The following TENT5C variants were observed in gnomAD, a reference collection of about 807,000 sequenced individuals.
TENT5C encodes terminal nucleotidyltransferase 5C, also known as family with sequence similarity 46 member C.
In TENT5C, 5 loss-of-function variants were observed where a neutral mutation model predicts 22.2. The observed-to-expected ratio is 0.22, with a 90% confidence interval of 0.12 to 0.47. The LOEUF (loss-of-function observed/expected upper bound fraction) is 0.47. Ranked by LOEUF, TENT5C falls within the 20% of genes least tolerant of loss-of-function variation. The probability of loss-of-function intolerance (pLI) is 0.99; values close to 1 mark genes in which losing one functional copy is unlikely to be tolerated. For missense variants in TENT5C, 364 were observed against 500.9 expected (o/e 0.73, Z 2.61); for synonymous variants, 199 against 195.4 (o/e 1.02, Z -0.15).
At position 117,625,105 on chromosome 1, in the gene TENT5C, GTT is replaced by G. The variant is rs555152244; in HGVS notation, c.*1072_*1073del. The G allele has an allele frequency of 2.7e-5, 6 of 220,918 alleles. No individual in the cohort carries two copies. Among genetic ancestry groups the G allele is most frequent in the African/African-American group, 9.3e-5 (4 of 42,972 alleles). The allele number at this position is 220,918 out of a possible 1,614,324, so 13.7% of individuals were successfully genotyped here. On this transcript the variant is annotated 3_prime_UTR_variant, in exon 2 of 2. Transcript: ENST00000369448. ...GCTATTTTTTGTTTTTGTTCTTTTC[GTT>G]TTTTTTTTTTCCAAAAATAGTGACT...
Position 117,622,859 on chromosome 1 carries a change from T to A in TENT5C, c.-10T>A, listed in dbSNP as rs1470934339. ...ACTTTCAGTTTCCCCAGCCAGAACA[T>A]CCCCTGAAGATGGCAGAGGAGAGCA... On this transcript the variant is annotated 5_prime_UTR_variant, in exon 2 of 2. Coordinates refer to ENST00000369448, the MANE Select transcript of TENT5C (RefSeq NM_017709.4). 6.2e-7 allele frequency: 1 copy of A among 1,602,346 alleles called. No homozygotes were observed. The highest frequency in any genetic ancestry group is 8.5e-7 in the Non-Finnish European group (1 of 1,170,466).
At chr1:117,610,610 C>T (rs826416) in intron 1 of TENT5C, among the ~76,000 whole-genome samples, 88 of 152,352 alleles carry the variant, frequency 5.8e-4, no homozygotes, top group African/African-American at 2.0e-3. Flanking sequence ...TCACTGCAAC[C>T]TCCACCTCGT....
In TENT5C at chr1:117,624,390, G is replaced by C. The variant is rs932120338; in HGVS notation, c.*346G>C. 7 of 302,290 alleles carry C rather than the reference G, an allele frequency of 2.3e-5. No homozygotes were observed. The Admixed American group carries it at 2.8e-4, about 12-fold the overall frequency. The allele number at this position is 302,290 out of a possible 1,614,324, so 18.7% of individuals were successfully genotyped here. A position where few individuals can be genotyped will look rare whatever the true frequency, so the allele number is the denominator to read the frequency against. On this transcript the variant is annotated 3_prime_UTR_variant, in exon 2 of 2. Transcript: ENST00000369448. ...GAGATTGGGAGAATTTGGGCAGCGC[G>C]TGAGAAGTGCTAAGCTACTTGTTTT... is the stretch of plus-strand genomic sequence containing the variant.
At position 117,608,264 on chromosome 1, in the gene TENT5C, T is replaced by C. The variant is rs527651601; in HGVS notation, c.-28+2111T>C. The stretch of plus-strand genomic sequence containing the variant: ...GTAATTCTGAAGGAAAGGATTTGGC[T>C]CTTAGCCTGCTTGTCAGAGTGAGCA... On this transcript the variant is annotated intron_variant, in intron 1 of 1. Transcript: ENST00000369448. 2.6e-5 allele frequency among the ~76,000 whole-genome samples: 4 copies of C among 152,316 alleles called. No homozygotes were observed. The South Asian group carries it at 8.3e-4, about 32-fold the overall frequency.
At chr1:117,618,446 A>G (rs1653830504) in intron 1 of TENT5C, among the ~76,000 whole-genome samples, 1 of 151,652 alleles carries the variant, frequency 6.6e-6, no homozygotes, top group Non-Finnish European at 1.5e-5. Context: ...TAGAAACTTG[A>G]TAGAAAGGCA....
chr1:117,606,243 A>C (rs530397467), intron 1 of TENT5C, 90 bp downstream of exon 1: 37 of 150,378 alleles, frequency 2.5e-4, no homozygotes, highest in African/African-American at 8.7e-4. Context: ...GTCCGCCCCC[A>C]CTAAGTGGTG....
At chr1:117,622,346 T>C (rs1653911656) in intron 1 of TENT5C, among the ~76,000 whole-genome samples, 1 of 144,492 alleles carries the variant, frequency 6.9e-6, no homozygotes, top group South Asian at 2.1e-4. Flanking sequence ...TGTGTGTGTG[T>C]GTGTGTCTGT....
At position 117,627,379 on chromosome 1, in the gene TENT5C, C is replaced by T. The variant is rs1469766435; in HGVS notation, c.*3335C>T. The T allele has an allele frequency of 4.0e-6, 1 of 248,056 alleles. No homozygotes were observed. Among genetic ancestry groups the T allele is most frequent in the Non-Finnish European group, 8.5e-6 (1 of 118,126 alleles). 15.4% of individuals were successfully genotyped at this position (248,056 alleles called of 1,614,324 possible). On this transcript the variant is annotated 3_prime_UTR_variant, in exon 2 of 2. Transcript: ENST00000369448. ...ATTTTAACTAGTACTGCTTTGTTGA[C>T]TTTGGGAAATGGTGCCACTCAAAAG...
chr1:117,617,238 T>C (rs187429635), intron 1 of TENT5C, among the ~76,000 whole-genome samples: 1 of 152,236 alleles, frequency 6.6e-6, no homozygotes. Flanking sequence ...AAACATAGGT[T>C]TTCAGACCAA....
chr1:117,610,632 A>G (rs1653651155), intron 1 of TENT5C, among the ~76,000 whole-genome samples: 1 of 152,150 alleles, frequency 6.6e-6, no homozygotes, highest in Non-Finnish European at 1.5e-5. Context: ...GGTTCAAGCG[A>G]TCCTCCTACC....
At chr1:117,617,964 A>AT (rs1197895970) in intron 1 of TENT5C, among the ~76,000 whole-genome samples, 9 of 152,246 alleles carry the variant, frequency 5.9e-5, no homozygotes, top group Admixed American at 5.9e-4. Flanking sequence ...GACTTATTTT[A>AT]TGCTCTTCCA....
rs1290657509 is a variant in TENT5C at position 117,628,164 on chromosome 1, C to G, written c.*4120C>G. ...AATTAATATAGATGAAAAATAGATA[C>G]CAATTAGACTAAATTGAAAGCTTTT... On this transcript the variant is annotated 3_prime_UTR_variant, in exon 2 of 2. Transcript: ENST00000369448. The G allele has an allele frequency of 8.1e-6, 2 of 247,610 alleles. No individual in the cohort carries two copies. Among genetic ancestry groups the G allele is most frequent in the Non-Finnish European group, 1.7e-5 (2 of 117,896 alleles). 15.3% of individuals were successfully genotyped at this position (247,610 alleles called of 1,614,324 possible).
intron 1 of TENT5C, among the ~76,000 whole-genome samples, chr1:117,610,404 C>G (rs936419057): frequency 6.6e-6 from 1 of 152,204 alleles, no homozygotes; most frequent in Admixed American, 6.5e-5. Context: ...CATATCTGCA[C>G]AAAGGAATGA....
chr1:117,609,055 A>G (rs560415878), intron 1 of TENT5C, among the ~76,000 whole-genome samples: 11 of 152,362 alleles, frequency 7.2e-5, no homozygotes, highest in Admixed American at 1.3e-4. Flanking sequence ...TGTTTTGACT[A>G]TAGTACATTA....
rs551955667 is a variant in TENT5C, at chr1:117,627,576, G to A, written c.*3532G>A. 2.4e-5 allele frequency: 6 copies of A among 248,070 alleles called. No homozygotes were observed. Among genetic ancestry groups the A allele is most frequent in the African/African-American group, 6.6e-5 (3 of 45,440 alleles). The allele number at this position is 248,070 out of a possible 1,614,324, so 15.4% of individuals were successfully genotyped here. A position where few individuals can be genotyped will look rare whatever the true frequency, so the allele number is the denominator to read the frequency against. On this transcript the variant is annotated 3_prime_UTR_variant, in exon 2 of 2. Transcript: ENST00000369448. ...CGCTCATAGAGGCCATTCCTTCCTG[G>A]GTGTCGGACCAGGGCTCTGTGTCAG...
At chr1:117,612,598 C>T (rs1381846084) in intron 1 of TENT5C, among the ~76,000 whole-genome samples, 9 of 152,182 alleles carry the variant, frequency 5.9e-5, no homozygotes, top group African/African-American at 2.2e-4. Context: ...TGCTGCTATG[C>T]GCAGTACCTG....
At chr1:117,615,420 G>A (rs1204025122) in intron 1 of TENT5C, among the ~76,000 whole-genome samples, 1 of 152,254 alleles carries the variant, frequency 6.6e-6, no homozygotes, top group Admixed American at 6.5e-5. Flanking sequence ...AAGTGGGGGA[G>A]TAGGAGGAAT....
In TENT5C at chr1:117,625,307, A is replaced by C. The variant is rs1653984858; in HGVS notation, c.*1263A>C. 8.1e-6 allele frequency: 2 copies of C among 248,008 alleles called. No individual in the cohort carries two copies. The allele number at this position is 248,008 out of a possible 1,614,324, so 15.4% of individuals were successfully genotyped here. A position where few individuals can be genotyped will look rare whatever the true frequency, so the allele number is the denominator to read the frequency against. On this transcript the variant is annotated 3_prime_UTR_variant, in exon 2 of 2. Coordinates refer to ENST00000369448, the MANE Select transcript of TENT5C (RefSeq NM_017709.4). The stretch of plus-strand genomic sequence containing the variant: ...GCATTGGAGCTTCCAAGGCACTTTG[A>C]AATCATTCCAGTATATTTGGGAAGA...
Position 117,610,357 on chromosome 1 carries a change from C to A in TENT5C, c.-28+4204C>A, listed in dbSNP as rs73004365. 1.5e-3 allele frequency among the ~76,000 whole-genome samples: 229 copies of A among 152,210 alleles called. 1 individual carries two copies. Among genetic ancestry groups the A allele is most frequent in the African/African-American group, 5.4e-3 (223 of 41,512 alleles). ...CCCTCCACCCCCCATGGCAGAGTCT[C>A]CCTAACTGCCCTTCTTTGCCTCACA... On this transcript the variant is annotated intron_variant, in intron 1 of 1. Transcript: ENST00000369448.
Sources: allele counts gnomAD v4.1 joint callset (sites outside exome capture counted in the v4.1 genomes callset), GRCh38; gene constraint gnomAD v4.1.1; transcripts MANE v1.5; gene names NCBI Gene and HGNC (gene_info 2026-07-23, HGNC 2026-07-21).